The following QTMAN variants were observed in gnomAD, a reference collection of about 807,000 sequenced individuals.
QTMAN encodes the protein tRNA-queuosine alpha-mannosyltransferase.
At chr2:144,306,771 A>T in the QTMAN span, among the ~76,000 whole-genome samples, 4 of 152,104 alleles carry the variant, frequency 2.6e-5, no homozygotes, top group African/African-American at 9.7e-5. Flanking sequence ...ATAACATAAA[A>T]CTCCATGAAA....
chr2:144,062,753 G>A, the QTMAN span, among the ~76,000 whole-genome samples: 10 of 152,200 alleles, frequency 6.6e-5, no homozygotes, highest in East Asian at 1.5e-3. Flanking sequence ...ATTATTTTTC[G>A]TTTTGAGATA....
chr2:143,946,254 T>C, the QTMAN span: 1 of 152,220 alleles, frequency 6.6e-6, no homozygotes, highest in South Asian at 2.1e-4. Context: ...AAAACAAGTA[T>C]GTCAGTGTTC....
chr2:144,120,741 G>T, the QTMAN span, among the ~76,000 whole-genome samples: 1 of 152,100 alleles, frequency 6.6e-6, no homozygotes, highest in African/African-American at 2.4e-5. Context: ...ATGCTTGGAG[G>T]AGAGTTTGAA....
the QTMAN span, chr2:144,007,615 T>C: frequency 1.2e-6 from 1 of 841,808 alleles, no homozygotes; most frequent in Non-Finnish European, 1.8e-6. Context: ...TGTAAGTACA[T>C]AATGATTATA....
chr2:144,263,036 T>C, the QTMAN span, among the ~76,000 whole-genome samples: 178 of 149,450 alleles, frequency 1.2e-3, no homozygotes, highest in African/African-American at 4.1e-3. Context: ...GGGAAGAATA[T>C]GGTCTTCATA....
the QTMAN span, among the ~76,000 whole-genome samples, chr2:144,261,671 C>T: frequency 6.6e-6 from 1 of 152,042 alleles, no homozygotes; most frequent in South Asian, 2.1e-4. Flanking sequence ...CTCAGGGAGA[C>T]GACTCAAAAG....
the QTMAN span, among the ~76,000 whole-genome samples, chr2:144,241,938 C>G: frequency 6.6e-6 from 1 of 152,004 alleles, no homozygotes; most frequent in Non-Finnish European, 1.5e-5. Flanking sequence ...CATAGGGACA[C>G]ATATGATTTC....
the QTMAN span, among the ~76,000 whole-genome samples, chr2:144,327,213 C>T: frequency 1.3e-5 from 2 of 152,200 alleles, no homozygotes; most frequent in African/African-American, 4.8e-5. Flanking sequence ...TCAGAGATCA[C>T]ATGGAAGGTC....
the QTMAN span, among the ~76,000 whole-genome samples, chr2:144,241,367 T>G: frequency 6.6e-6 from 1 of 152,210 alleles, no homozygotes; most frequent in African/African-American, 2.4e-5. Context: ...CTCTCTAAAC[T>G]TCTTCCCTCA....
the QTMAN span, among the ~76,000 whole-genome samples, chr2:144,110,129 T>A: frequency 6.6e-6 from 1 of 152,144 alleles, no homozygotes; most frequent in Non-Finnish European, 1.5e-5. Flanking sequence ...TAGCAAAGAC[T>A]TGGAACCAAC....
the QTMAN span, among the ~76,000 whole-genome samples, chr2:144,155,718 A>G: frequency 1.3e-5 from 2 of 152,196 alleles, no homozygotes; most frequent in Non-Finnish European, 2.9e-5. Context: ...ACTATCCACA[A>G]GTAAATTCAG....
the QTMAN span, chr2:143,947,235 T>C: frequency 1.3e-6 from 1 of 797,372 alleles, no homozygotes; most frequent in Non-Finnish European, 2.1e-6. Context: ...TTGCATCACT[T>C]ACGTCAATTA....
chr2:144,281,413 A>C, the QTMAN span, among the ~76,000 whole-genome samples: 3 of 150,736 alleles, frequency 2.0e-5, no homozygotes, highest in Admixed American at 2.0e-4. Context: ...AAAAAAAAAA[A>C]AAAAACGGAA....
At chr2:144,212,821 G>C in the QTMAN span, among the ~76,000 whole-genome samples, 1 of 152,092 alleles carries the variant, frequency 6.6e-6, no homozygotes, top group African/African-American at 2.4e-5. Context: ...AAAGCTTTTT[G>C]AAAGTTTAAT....
the QTMAN span, among the ~76,000 whole-genome samples, chr2:144,320,021 G>A: frequency 1.3e-5 from 2 of 152,190 alleles, no homozygotes; most frequent in African/African-American, 4.8e-5. Context: ...CATGCAACCT[G>A]TTCTTGTATA....
At chr2:144,196,076 A>T in the QTMAN span, among the ~76,000 whole-genome samples, 1 of 152,094 alleles carries the variant, frequency 6.6e-6, no homozygotes, top group African/African-American at 2.4e-5. Context: ...GTTTTAAAAA[A>T]TTAAAAATTC....
At chr2:143,956,132 A>C in the QTMAN span, among the ~76,000 whole-genome samples, 1 of 152,190 alleles carries the variant, frequency 6.6e-6, no homozygotes. Context: ...GTATCTGATG[A>C]GTATTCTTCT....
At chr2:144,083,049 C>T in the QTMAN span, among the ~76,000 whole-genome samples, 1 of 152,106 alleles carries the variant, frequency 6.6e-6, no homozygotes, top group African/African-American at 2.4e-5. Context: ...AGTTGCCTTA[C>T]AAAGTAAGCA....
chr2:144,106,551 G>A, the QTMAN span, among the ~76,000 whole-genome samples: 1 of 152,182 alleles, frequency 6.6e-6, no homozygotes, highest in Non-Finnish European at 1.5e-5. Flanking sequence ...AACAAGAAGA[G>A]CTAACTATCC....
Sources: allele counts gnomAD v4.1 joint callset (sites outside exome capture counted in the v4.1 genomes callset), GRCh38; gene constraint gnomAD v4.1.1; transcripts MANE v1.5; gene names NCBI Gene and HGNC (gene_info 2026-07-23, HGNC 2026-07-21).